PCDH9: variants seen among roughly 807,000 people sequenced by gnomAD.
PCDH9 encodes the protein protocadherin-9.
A neutral mutation model predicts 70.6 loss-of-function variants in PCDH9; 24 were observed. The observed-to-expected ratio is 0.34, with a 90% CI of 0.25 to 0.48. The LOEUF (loss-of-function observed/expected upper bound fraction) is 0.48, where lower values mean the gene tolerates loss of function less well. PCDH9 is among the 20% of genes least tolerant of loss of function. PCDH9 has a pLI of 0.99. For missense variants in PCDH9, 1,281 were observed against 1,503.6 expected (o/e 0.85, Z 2.45); for synonymous variants, 562 against 558.5 (o/e 1.01, Z -0.09).
intron 2 of PCDH9, chr13:67,215,344 C>T (rs940647476): frequency 2.0e-5 from 3 of 151,998 alleles, no homozygotes; most frequent in African/African-American, 7.2e-5. Flanking sequence ...ATACTTGATT[C>T]TGGCATACTG....
intron 3 of PCDH9, among the ~76,000 whole-genome samples, chr13:66,852,686 T>C (rs946724980): frequency 6.6e-6 from 1 of 152,218 alleles, no homozygotes; most frequent in African/African-American, 2.4e-5. Context: ...TGCATTTACT[T>C]TGGCATATTT....
At chr13:66,979,753 CTG>C (rs1379083476) in intron 2 of PCDH9, among the ~76,000 whole-genome samples, 2 of 152,162 alleles carry the variant, frequency 1.3e-5, no homozygotes, top group Non-Finnish European at 2.9e-5. Context: ...CCAATAACCT[CTG>C]TGTCTGTCAA....
At chr13:66,352,850 A>C (rs886940124) in intron 4 of PCDH9, among the ~76,000 whole-genome samples, 4 of 152,198 alleles carry the variant, frequency 2.6e-5, no homozygotes, top group African/African-American at 9.6e-5. Context: ...CTGTTAGTTG[A>C]CACTGATTGT....
intron 4 of PCDH9, among the ~76,000 whole-genome samples, chr13:66,459,471 G>GT (rs983388397): frequency 4.4e-4 from 65 of 148,216 alleles, no homozygotes; most frequent in Admixed American, 8.1e-4. Context: ...AAAAAGTTGT[G>GT]TTTTTTTTTT....
intron 4 of PCDH9, among the ~76,000 whole-genome samples, chr13:66,434,594 G>A (rs2138384127): frequency 6.6e-6 from 1 of 152,066 alleles, no homozygotes; most frequent in Middle Eastern, 3.4e-3. Context: ...TATGAGTAAA[G>A]CTAAGGAAAT....
At chr13:66,328,133 T>G (rs956273620) in intron 4 of PCDH9, among the ~76,000 whole-genome samples, 8 of 152,246 alleles carry the variant, frequency 5.3e-5, no homozygotes, top group African/African-American at 1.9e-4. Flanking sequence ...GTTTTTAATC[T>G]TCAAAGATTT....
intron 2 of PCDH9, among the ~76,000 whole-genome samples, chr13:66,915,745 T>A (rs532224604): frequency 1.3e-5 from 2 of 151,828 alleles, no homozygotes; most frequent in African/African-American, 4.8e-5. Flanking sequence ...AGACTCAACA[T>A]GAAAAGAAAC....
intron 2 of PCDH9, among the ~76,000 whole-genome samples, chr13:67,028,002 T>A (rs1244779115): frequency 6.7e-6 from 1 of 150,160 alleles, no homozygotes; most frequent in Non-Finnish European, 1.5e-5. Context: ...ATTGTGGAAG[T>A]CAGTGTGGCG....
At chr13:67,067,219 T>C (rs930431393) in intron 2 of PCDH9, among the ~76,000 whole-genome samples, 7 of 152,160 alleles carry the variant, frequency 4.6e-5, no homozygotes, top group African/African-American at 1.4e-4. Flanking sequence ...AAGAACACAA[T>C]TGGCAAGTTC....
Position 66,395,313 on chromosome 13 carries a change from C to G in PCDH9, c.3341-90285G>C, listed in dbSNP as rs183094623. ...TATAACAAAGTTGGAAATAAATAAA[C>G]TGAGTTTGGCCGGGCGTGGTGGCTC... is the stretch of plus-strand genomic sequence containing the variant. On this transcript the variant is annotated intron_variant, in intron 4 of 4. Transcript: ENST00000377865. Among the ~76,000 whole-genome samples, 310 of 152,190 alleles carry G rather than the reference C, an allele frequency of 2.0e-3. 1 individual carries two copies. The highest frequency in any genetic ancestry group is 7.0e-3 in the African/African-American group (291 of 41,528).
chr13:66,344,960 C>T (rs548635685), intron 4 of PCDH9, among the ~76,000 whole-genome samples: 15 of 152,272 alleles, frequency 9.9e-5, no homozygotes, highest in African/African-American at 1.9e-4. Context: ...TTCTTGATTG[C>T]CTTCTTTAAA....
chr13:66,326,716 G>A (rs1418066668), intron 4 of PCDH9, among the ~76,000 whole-genome samples: 1 of 152,060 alleles, frequency 6.6e-6, no homozygotes, highest in East Asian at 1.9e-4. Context: ...GCTCCTAGTC[G>A]CATAATGCAT....
At chr13:66,791,700 AATGCTATC>A (rs1157219868) in intron 3 of PCDH9, among the ~76,000 whole-genome samples, 1 of 152,140 alleles carries the variant, frequency 6.6e-6, no homozygotes, top group Non-Finnish European at 1.5e-5. Context: ...ATAATTTGTA[AATGCTATC>A]ATTTGCCATT....
chr13:66,680,424 G>A (rs2078302842), intron 3 of PCDH9, among the ~76,000 whole-genome samples: 1 of 151,828 alleles, frequency 6.6e-6, no homozygotes, highest in African/African-American at 2.4e-5. Flanking sequence ...TTATTCTCTA[G>A]TTAACCTGGA....
intron 2 of PCDH9, among the ~76,000 whole-genome samples, chr13:66,988,980 A>G (rs1056468050): frequency 6.6e-6 from 1 of 151,966 alleles, no homozygotes; most frequent in African/African-American, 2.4e-5. Context: ...ATTTCATATT[A>G]GAGATATTCA....
chr13:67,084,987 AAAAAAAAAAAATATATATATATATAT>A (rs1489272678), intron 2 of PCDH9, among the ~76,000 whole-genome samples: 3 of 74,978 alleles, frequency 4.0e-5, no homozygotes, highest in Non-Finnish European at 7.9e-5. Flanking sequence ...AAAAAAAAAA[AAAAAAAAAAAATATATATATATATAT>A]ATATATATAT....
chr13:66,938,968 G>A lies in PCDH9; in HGVS notation c.3037-35363C>T, dbSNP rs148342672. ...GAATTGTCTATCAATGTATTTATTT[G>A]TATTGAAATATAATACTAGAATATT... On this transcript the variant is annotated intron_variant, in intron 2 of 4. Coordinates refer to ENST00000377865, the MANE Select transcript of PCDH9 (RefSeq NM_203487.3). Among the ~76,000 whole-genome samples the A allele has an allele frequency of 2.4e-3, 369 of 151,990 alleles. 7 individuals are homozygous for A. The highest frequency in any genetic ancestry group is 0.021 in the Admixed American group (314 of 15,268).
At chr13:67,194,789 T>G (rs1003345684) in intron 2 of PCDH9, among the ~76,000 whole-genome samples, 3 of 152,188 alleles carry the variant, frequency 2.0e-5, no homozygotes, top group Non-Finnish European at 4.4e-5. Context: ...TTTTGCGACT[T>G]TTTGACATGA....
chr13:66,396,235 A>T (rs1187468447), intron 4 of PCDH9, among the ~76,000 whole-genome samples: 2 of 152,184 alleles, frequency 1.3e-5, no homozygotes, highest in Non-Finnish European at 2.9e-5. Context: ...TTAGGAGGGC[A>T]TTTGGGGAAG....
Sources: allele counts gnomAD v4.1 joint callset (sites outside exome capture counted in the v4.1 genomes callset), GRCh38; gene constraint gnomAD v4.1.1; transcripts MANE v1.5; gene names NCBI Gene and HGNC (gene_info 2026-07-23, HGNC 2026-07-21).